The following RAB11FIP3 variants were observed in gnomAD, a reference collection of about 807,000 sequenced individuals.
The protein encoded by RAB11FIP3 is RAB11 family interacting protein 3.
RAB11FIP3 carries 17 observed loss-of-function variants against 77.8 expected under a neutral mutation model. The observed-to-expected ratio is 0.22, with a 90% confidence interval of 0.15 to 0.33. The LOEUF is 0.33. RAB11FIP3 is among the 10% of genes least tolerant of loss of function. RAB11FIP3 has a pLI of 1.00. For synonymous variants in RAB11FIP3, 437 were observed against 448.2 expected (o/e 0.98, Z 0.31); for missense variants, 1,005 against 1,011.2 (o/e 0.99, Z 0.08).
intron 1 of RAB11FIP3, among the ~76,000 whole-genome samples, chr16:454,034 G>A (rs1188776691): frequency 6.6e-6 from 1 of 152,088 alleles, no homozygotes; most frequent in Non-Finnish European, 1.5e-5. Flanking sequence ...TAGCTTTTAA[G>A]TTGCCAAGAA....
intron 1 of RAB11FIP3, among the ~76,000 whole-genome samples, chr16:432,587 G>GGT (rs2055055007): frequency 1.8e-5 from 2 of 111,302 alleles, no homozygotes; most frequent in African/African-American, 7.7e-5. Flanking sequence ...TTTTGACCTG[G>GGT]TTTTTTTTTT....
intron 1 of RAB11FIP3, among the ~76,000 whole-genome samples, chr16:436,700 G>T (rs751238516): frequency 1.1e-4 from 16 of 151,924 alleles, no homozygotes; most frequent in Non-Finnish European, 1.6e-4. Context: ...AGCCTGCTAA[G>T]CTCAAAGGAT....
At position 500,220 on chromosome 16, in the gene RAB11FIP3, C is replaced by T. The variant is rs561804851; in HGVS notation, c.1302-2784C>T. ...TCACAGCAGGCAGGCTCCCTGGGCCCTGGGTGGGAGGCCTCAGGGATCCCC... is the reference window on the plus strand; with the variant it reads ...TCACAGCAGGCAGGCTCCCTGGGCCTTGGGTGGGAGGCCTCAGGGATCCCC... On this transcript the variant is annotated intron_variant, in intron 6 of 13. Transcript: ENST00000262305. 2.3e-3 allele frequency among the ~76,000 whole-genome samples: 356 copies of T among 152,338 alleles called. 5 individuals carry two copies. The highest frequency in any genetic ancestry group is 8.2e-3 in the African/African-American group (342 of 41,576).
At chr16:454,124 G>A (rs192366207) in intron 1 of RAB11FIP3, among the ~76,000 whole-genome samples, 66 of 152,256 alleles carry the variant, frequency 4.3e-4, no homozygotes, top group African/African-American at 1.5e-3. Flanking sequence ...CATCCAGTAG[G>A]CGGGTCTTTG....
At chr16:476,073 C>G (rs989523765) in intron 3 of RAB11FIP3, among the ~76,000 whole-genome samples, 1 of 152,172 alleles carries the variant, frequency 6.6e-6, no homozygotes, top group Non-Finnish European at 1.5e-5. Context: ...CCAGGCTGGT[C>G]TCGAACTCCT....
chr16:503,482 C>T (rs1053780969), intron 7 of RAB11FIP3, among the ~76,000 whole-genome samples: 3 of 152,126 alleles, frequency 2.0e-5, no homozygotes, highest in Non-Finnish European at 4.4e-5. Context: ...AAGGGCTGGC[C>T]CTGCAGTTAC....
At chr16:434,184 C>T (rs1461788699) in intron 1 of RAB11FIP3, among the ~76,000 whole-genome samples, 2 of 152,280 alleles carry the variant, frequency 1.3e-5, no homozygotes, top group South Asian at 2.1e-4. Flanking sequence ...TGCAATGGCA[C>T]GATTTTAGGT....
intron 1 of RAB11FIP3, among the ~76,000 whole-genome samples, chr16:434,355 C>A (rs984676524): frequency 3.3e-5 from 5 of 152,290 alleles, no homozygotes; most frequent in African/African-American, 7.2e-5. Flanking sequence ...CGCTCCTGAC[C>A]TCAAGTGATC....
At position 520,124 on chromosome 16, in the gene RAB11FIP3, G is replaced by T. The variant is rs772031455; in HGVS notation, c.1863G>T (p.Leu621=). The part of the protein sequence containing the change: ...FQRDKEATQE[L]IEDLRKQLEH... ...CTCACTGCACGGTTGCCCTGCAGCT[G>T]ATCGAGGACCTCCGAAAGCAGCTGG... The change falls in exon 12 of 14, where the codon CTG becomes CTT. Residue 621 remains leucine, a splice_region_variant and synonymous_variant. Transcript: ENST00000262305. The T allele has an allele frequency of 3.9e-6, 6 of 1,545,574 alleles. No individual in the cohort carries two copies. The highest frequency in any genetic ancestry group is 2.7e-5 in the African/African-American group (2 of 73,134).
chr16:441,348 A>G (rs2055223516), intron 1 of RAB11FIP3, among the ~76,000 whole-genome samples: 1 of 152,152 alleles, frequency 6.6e-6, no homozygotes, highest in African/African-American at 2.4e-5. Flanking sequence ...TCCACGATTA[A>G]ACAAACCCAT....
chr16:441,071 G>A (rs2055217553), intron 1 of RAB11FIP3, among the ~76,000 whole-genome samples: 2 of 152,098 alleles, frequency 1.3e-5, no homozygotes, highest in Admixed American at 6.6e-5. Flanking sequence ...CTCCCGAGTA[G>A]CTGGGATGAC....
rs898914854 is a variant in RAB11FIP3, at chr16:505,249, A to C, written c.1396-275A>C. Among the ~76,000 whole-genome samples the C allele has an allele frequency of 4.6e-5, 7 of 152,002 alleles. No individual in the cohort carries two copies. The highest frequency in any genetic ancestry group is 1.5e-5 in the Non-Finnish European group (1 of 68,012). On this transcript the variant is annotated intron_variant, in intron 7 of 13. Transcript: ENST00000262305. The surrounding 1 kb of genome is among the most constrained non-coding windows in gnomAD (Gnocchi z 4.0). ...GGCTGAGTCTTGCTGCCCACCAGCC[A>C]GCCAGTCCAAAGGCACCCCTGGGCC...
At chr16:483,327 C>G (rs988562454) in intron 4 of RAB11FIP3, among the ~76,000 whole-genome samples, 15 of 152,238 alleles carry the variant, frequency 9.9e-5, no homozygotes, top group Admixed American at 6.5e-5. Context: ...TGGACCCCCT[C>G]TCTCAGCCTC....
rs2031856828 is a variant in RAB11FIP3 at position 506,071 on chromosome 16, C to T, written c.1499+444C>T. Among the ~76,000 whole-genome samples the T allele has an allele frequency of 6.6e-6, 1 of 152,258 alleles. No individual in the cohort carries two copies. Among genetic ancestry groups the T allele is most frequent in the South Asian group, 2.1e-4 (1 of 4,838 alleles). ...CAGCAGAAAGCGAAATGAGCAGTGACTGCTGAGTACGCGACAGGACGCGCA... is the reference window on the plus strand; with the variant it reads ...CAGCAGAAAGCGAAATGAGCAGTGATTGCTGAGTACGCGACAGGACGCGCA... On this transcript the variant is annotated intron_variant, in intron 8 of 13. Coordinates refer to ENST00000262305, the MANE Select transcript of RAB11FIP3 (RefSeq NM_014700.4). The surrounding 1 kb of genome is among the most constrained non-coding windows in gnomAD (Gnocchi z 4.5).
At chr16:495,793 C>T (rs1406883079) in intron 5 of RAB11FIP3, among the ~76,000 whole-genome samples, 1 of 152,204 alleles carries the variant, frequency 6.6e-6, no homozygotes, top group Non-Finnish European at 1.5e-5. Flanking sequence ...CTTTGTTGCC[C>T]AGGCTGGAGT....
chr16:514,969 C>T lies in RAB11FIP3; in HGVS notation c.1641-3974C>T, dbSNP rs1413847109. Among the ~76,000 whole-genome samples, 1 of 152,204 alleles carries T rather than the reference C, an allele frequency of 6.6e-6. No homozygotes were observed. The highest frequency in any genetic ancestry group is 1.5e-5 in the Non-Finnish European group (1 of 68,044). On this transcript the variant is annotated intron_variant, in intron 9 of 13. Transcript: ENST00000262305. The surrounding 1 kb of genome is among the most constrained non-coding windows in gnomAD (Gnocchi z 4.6). ...AAGCCCAGGGAAGCCTTCGCTTGTG[C>T]CACGTAGCATAGCTCGTCCTTCCAG...
Position 475,241 on chromosome 16 carries a change from C to G in RAB11FIP3, c.903+3852C>G, listed in dbSNP as rs538534259. Reference sequence around the variant, plus strand: ...GCCCTGAACGGGCTTTTTCTCTGTCCGCTGGTGATTTAGGGGACTTGTTAA... The same window carrying G: ...GCCCTGAACGGGCTTTTTCTCTGTCGGCTGGTGATTTAGGGGACTTGTTAA... On this transcript the variant is annotated intron_variant, in intron 3 of 13. Coordinates refer to ENST00000262305, the MANE Select transcript of RAB11FIP3 (RefSeq NM_014700.4). The G allele has an allele frequency of 4.1e-6, 4 of 984,416 alleles. No homozygotes were observed. The African/African-American group carries it at 6.7e-5, about 16-fold the overall frequency. The allele number at this position is 984,416 out of a possible 1,614,324, so 61.0% of individuals were successfully genotyped here.
Position 472,736 on chromosome 16 carries a change from G to A in RAB11FIP3, c.903+1347G>A, listed in dbSNP as rs1240666253. 6.6e-6 allele frequency among the ~76,000 whole-genome samples: 1 copy of A among 152,208 alleles called. No individual in the cohort carries two copies. The highest frequency in any genetic ancestry group is 1.9e-4 in the East Asian group (1 of 5,198). On this transcript the variant is annotated intron_variant, in intron 3 of 13. Transcript: ENST00000262305. This position sits in a 1 kb window ranked among gnomAD's most constrained non-coding sequence, Gnocchi z 4.1. Reference sequence around the variant, plus strand: ...TGATTGTTTATATCCTATGTATGGTGCAGTGGCTGAAGAGTGGCCTCTCAA... The same window carrying A: ...TGATTGTTTATATCCTATGTATGGTACAGTGGCTGAAGAGTGGCCTCTCAA...
At chr16:475,099 G>A in intron 3 of RAB11FIP3, 1 of 1,551,234 alleles carries the variant, frequency 6.4e-7, no homozygotes, top group Non-Finnish European at 8.7e-7. Flanking sequence ...GCATCTGAGG[G>A]TAAGAGGAGG....
Sources: allele counts gnomAD v4.1 joint callset (sites outside exome capture counted in the v4.1 genomes callset), GRCh38; gene constraint gnomAD v4.1.1; non-coding constraint Gnocchi (gnomAD v3.1); transcripts MANE v1.5; gene names NCBI Gene and HGNC (gene_info 2026-07-23, HGNC 2026-07-21).